The following GLRA1 variants were observed in gnomAD, a reference collection of about 807,000 sequenced individuals.
GLRA1 encodes glycine receptor subunit alpha-1.
GLRA1 carries 37 observed loss-of-function variants against 48.3 expected under a neutral mutation model. That is an observed-to-expected ratio of 0.77 (90% CI 0.59 to 1.01). The LOEUF (loss-of-function observed/expected upper bound fraction) is 1.01. GLRA1 is among the 50% of genes least tolerant of loss of function. GLRA1 has a pLI of 0.00. For synonymous variants in GLRA1, 196 were observed against 210.7 expected, an observed-to-expected ratio of 0.93 and a Z score of 0.60; for missense variants, 427 against 571.0, an observed-to-expected ratio of 0.75 and a Z score of 2.57.
At chr5:151,849,834 A>G (rs565257079) in intron 7 of GLRA1, 95 of 1,314,512 alleles carry the variant, frequency 7.2e-5, no homozygotes, top group Non-Finnish European at 9.1e-5. Flanking sequence ...GATTACAGGC[A>G]TGAGCCACCA....
chr5:151,848,670 T>C (rs1013657600), intron 7 of GLRA1, among the ~76,000 whole-genome samples: 2 of 152,256 alleles, frequency 1.3e-5, no homozygotes, highest in African/African-American at 4.8e-5. Context: ...TGGATTCCTC[T>C]AGTCTCTGCC....
chr5:151,844,483 A>C (rs971490944), intron 7 of GLRA1, among the ~76,000 whole-genome samples: 1 of 149,196 alleles, frequency 6.7e-6, no homozygotes, highest in African/African-American at 2.5e-5. Flanking sequence ...TTAGCCAGGC[A>C]TGGTGGTGCA....
At chr5:151,856,623 A>C (rs564660076) in intron 4 of GLRA1, among the ~76,000 whole-genome samples, 2 of 152,202 alleles carry the variant, frequency 1.3e-5, no homozygotes, top group African/African-American at 4.8e-5. Context: ...GGCTCAAGCA[A>C]TTCTCCTGCC....
intron 7 of GLRA1, among the ~76,000 whole-genome samples, chr5:151,835,074 A>G (rs1472644826): frequency 6.6e-6 from 1 of 151,814 alleles, no homozygotes; most frequent in Non-Finnish European, 1.5e-5. Flanking sequence ...TAGACACGAT[A>G]AAAATGATAA....
chr5:151,876,277 G>T (rs1236824480), intron 3 of GLRA1, among the ~76,000 whole-genome samples: 3 of 151,976 alleles, frequency 2.0e-5, no homozygotes, highest in Non-Finnish European at 4.4e-5. Context: ...ACACACAACA[G>T]TTTTTTTGAA....
intron 5 of GLRA1, among the ~76,000 whole-genome samples, chr5:151,855,750 T>A (rs1356006426): frequency 6.6e-6 from 1 of 152,252 alleles, no homozygotes; most frequent in Non-Finnish European, 1.5e-5. Context: ...GGTTTCTGTA[T>A]TTTTAAGTTA....
intron 7 of GLRA1, among the ~76,000 whole-genome samples, chr5:151,847,284 A>G (rs1384080652): frequency 6.6e-6 from 1 of 152,240 alleles, no homozygotes; most frequent in African/African-American, 2.4e-5. Context: ...ATAATAGTGA[A>G]TGTGGTAGAA....
intron 6 of GLRA1, 47 bp from the exon 7 acceptor site, chr5:151,851,651 C>T: frequency 2.3e-6 from 3 of 1,303,472 alleles, no homozygotes; most frequent in Non-Finnish European, 3.3e-6. Context: ...GTGAATAGGA[C>T]AAAAGGCTTT....
intron 7 of GLRA1, chr5:151,850,441 T>G: frequency 8.8e-7 from 1 of 1,137,576 alleles, no homozygotes; most frequent in Non-Finnish European, 1.3e-6. Flanking sequence ...CATACCAACT[T>G]CAGCACCAAG....
At chr5:151,876,357 T>G (rs1383091124) in intron 3 of GLRA1, among the ~76,000 whole-genome samples, 1 of 152,172 alleles carries the variant, frequency 6.6e-6, no homozygotes, top group African/African-American at 2.4e-5. Flanking sequence ...GGGAGTACCA[T>G]GACCAGATTG....
rs1752792793 is a variant in GLRA1, at chr5:151,849,174, TC to T, written c.912+2215del. 4 of 165,494 alleles carry T rather than the reference TC, an allele frequency of 2.4e-5. 1 individual carries two copies. Among genetic ancestry groups the T allele is most frequent in the African/African-American group, 1.2e-4 (4 of 32,328 alleles). The allele number at this position is 165,494 out of a possible 1,614,324, so 10.3% of individuals were successfully genotyped here. ...TTTCTTTTCTTTTCTTTTCTTTCTT[TC>T]TTTCTTTCTTTCTTTTCTTTCTTTT... On this transcript the variant is annotated intron_variant, in intron 7 of 8. Coordinates refer to ENST00000274576, the MANE Select transcript of GLRA1 (RefSeq NM_000171.4).
chr5:151,879,649 C>G (rs986867305), intron 3 of GLRA1, among the ~76,000 whole-genome samples: 2 of 152,178 alleles, frequency 1.3e-5, no homozygotes, highest in African/African-American at 4.8e-5. Context: ...CTGTGCCTGG[C>G]CAGCTAACTT....
At chr5:151,905,429 G>C (rs528657603) in intron 1 of GLRA1, among the ~76,000 whole-genome samples, 6 of 151,732 alleles carry the variant, frequency 4.0e-5, no homozygotes, top group Non-Finnish European at 8.8e-5. Context: ...GCATATGCCA[G>C]TGTGTGGCTG....
At chr5:151,868,845 C>CTA (rs993883413) in intron 3 of GLRA1, among the ~76,000 whole-genome samples, 1 of 152,200 alleles carries the variant, frequency 6.6e-6, no homozygotes, top group Non-Finnish European at 1.5e-5. Context: ...AGATCCCTGT[C>CTA]TATTGCCTGC....
At chr5:151,893,698 T>C (rs1754158059) in intron 1 of GLRA1, among the ~76,000 whole-genome samples, 1 of 152,194 alleles carries the variant, frequency 6.6e-6, no homozygotes, top group Admixed American at 6.5e-5. Flanking sequence ...CTCATTCTTT[T>C]TTATGGCTGC....
intron 1 of GLRA1, among the ~76,000 whole-genome samples, chr5:151,894,502 C>T (rs1479660288): frequency 2.6e-5 from 4 of 152,146 alleles, no homozygotes; most frequent in Admixed American, 1.3e-4. Flanking sequence ...CTTCCACTCT[C>T]TAGGATTAGA....
At chr5:151,867,799 G>A (rs1753375121) in intron 3 of GLRA1, among the ~76,000 whole-genome samples, 1 of 152,178 alleles carries the variant, frequency 6.6e-6, no homozygotes, top group Non-Finnish European at 1.5e-5. Flanking sequence ...CTGTGATAAG[G>A]CTGCAAAATG....
chr5:151,850,160 C>T, intron 7 of GLRA1: 10 of 1,603,746 alleles, frequency 6.2e-6, no homozygotes, highest in Non-Finnish European at 8.5e-6. Context: ...GTCCATATTA[C>T]TGCAGTGTGG....
intron 1 of GLRA1, among the ~76,000 whole-genome samples, chr5:151,907,584 C>G (rs1257845914): frequency 6.6e-6 from 1 of 152,228 alleles, no homozygotes; most frequent in Non-Finnish European, 1.5e-5. Flanking sequence ...GATCAAATAT[C>G]AGATGGGTTT....
Sources: allele counts gnomAD v4.1 joint callset (sites outside exome capture counted in the v4.1 genomes callset), GRCh38; gene constraint gnomAD v4.1.1; transcripts MANE v1.5; gene names NCBI Gene and HGNC (gene_info 2026-07-23, HGNC 2026-07-21).